Variants in CCDC82 observed in about 807,000 individuals in gnomAD.
The protein encoded by CCDC82 is coiled-coil domain-containing protein 82.
CCDC82 carries 47 observed loss-of-function variants against 60.6 expected under a neutral mutation model. The ratio of observed to expected loss-of-function variants is 0.77; its 90% CI spans 0.61 to 0.99. The LOEUF is 0.99. Ranked by LOEUF, CCDC82 falls within the 50% of genes least tolerant of loss-of-function variation. CCDC82 has a pLI of 0.00. For synonymous variants in CCDC82, 212 were observed against 207.4 expected, an observed-to-expected ratio of 1.02 and a Z score of -0.19; for missense variants, 588 against 633.0, an observed-to-expected ratio of 0.93 and a Z score of 0.76.
chr11:96,388,437 T>A (rs572755503), intron 1 of CCDC82: 6 of 152,208 alleles, frequency 3.9e-5, no homozygotes, highest in Non-Finnish European at 1.5e-5. Flanking sequence ...AATAAGTGAA[T>A]GAAGATGATC....
intron 1 of CCDC82, chr11:96,388,905 A>G (rs1233668462): frequency 6.6e-6 from 1 of 152,192 alleles, no homozygotes; most frequent in African/African-American, 2.4e-5. Context: ...AAATGCAAGC[A>G]CCTGCTAGGA....
chr11:96,373,297 A>G, intron 6 of CCDC82, 78 bp downstream of exon 6: 2 of 861,686 alleles, frequency 2.3e-6, no homozygotes, highest in Non-Finnish European at 3.7e-6. Context: ...TTTAATCTAC[A>G]TAGTTTTAAA....
At chr11:96,362,770 A>G (rs1362337101) in intron 8 of CCDC82, among the ~76,000 whole-genome samples, 1 of 152,156 alleles carries the variant, frequency 6.6e-6, no homozygotes, top group Non-Finnish European at 1.5e-5. Flanking sequence ...CAAAGAAGCT[A>G]AAGAAAGGAG....
At chr11:96,375,253 C>T (rs1195764003) in intron 5 of CCDC82, among the ~76,000 whole-genome samples, 1 of 152,066 alleles carries the variant, frequency 6.6e-6, no homozygotes, top group East Asian at 1.9e-4. Context: ...CTTGAATGTC[C>T]TTATGCCCAG....
At chr11:96,386,033 A>G (rs1486371941) in intron 3 of CCDC82, 1 of 152,152 alleles carries the variant, frequency 6.6e-6, no homozygotes, top group Non-Finnish European at 1.5e-5. Flanking sequence ...AAAAATATGA[A>G]AATAATCACA....
chr11:96,362,556 C>T (rs917235749), intron 8 of CCDC82, among the ~76,000 whole-genome samples: 1 of 152,118 alleles, frequency 6.6e-6, no homozygotes, highest in Non-Finnish European at 1.5e-5. Context: ...AACATATATC[C>T]AAGATTGTTT....
chr11:96,387,186 C>T lies in CCDC82; in HGVS notation c.-55+344G>A, dbSNP rs908895308. On this transcript the variant is annotated intron_variant, in intron 2 of 9. Coordinates refer to ENST00000646818, the MANE Select transcript of CCDC82 (RefSeq NM_024725.4). ...ATGACAAATATGGTTGCAGTAGATA[C>T]ACTAAAGCAAATATGGACAGTAAAG... The T allele has an allele frequency of 1.4e-4, 22 of 152,078 alleles. 1 individual carries two copies. Among genetic ancestry groups the T allele is most frequent in the African/African-American group, 4.3e-4 (18 of 41,400 alleles). 9.4% of individuals were successfully genotyped at this position (152,078 alleles called of 1,614,324 possible). A position where few individuals can be genotyped will look rare whatever the true frequency, so the allele number is the denominator to read the frequency against.
chr11:96,355,695 G>C (rs1426636129), intron 9 of CCDC82: 1 of 152,020 alleles, frequency 6.6e-6, no homozygotes, highest in Non-Finnish European at 1.5e-5. Context: ...CTAGGATGCA[G>C]CTTTGGCAAG....
chr11:96,387,757 T>C (rs1305906160), intron 1 of CCDC82, 144 bp from the exon 2 acceptor site: 1 of 152,208 alleles, frequency 6.6e-6, no homozygotes, highest in Non-Finnish European at 1.5e-5. Context: ...TTTTAAAAAA[T>C]TATGTAACCG....
chr11:96,380,304 G>C (rs979131700), intron 5 of CCDC82, among the ~76,000 whole-genome samples: 2 of 151,696 alleles, frequency 1.3e-5, no homozygotes, highest in African/African-American at 4.8e-5. Flanking sequence ...TGAGGAAAAA[G>C]AGTTTGTAGG....
chr11:96,370,969 C>A, intron 7 of CCDC82, 44 bp downstream of exon 7: 2 of 1,447,898 alleles, frequency 1.4e-6, no homozygotes, highest in South Asian at 1.6e-5. Flanking sequence ...GAGAGGTTTG[C>A]TGCCCCCAAC....
At position 96,371,121 on chromosome 11, in the gene CCDC82, T is replaced by C. The variant is rs1351060382; in HGVS notation, c.1101A>G (p.Lys367=). 1.3e-6 allele frequency: 2 copies of C among 1,593,014 alleles called. No homozygotes were observed. Among genetic ancestry groups the C allele is most frequent in the South Asian group, 2.3e-5 (2 of 85,672 alleles). The change falls in exon 7 of 10, where the codon AAA becomes AAG. Residue 367 remains lysine (K), a synonymous_variant. Coordinates refer to ENST00000646818, the MANE Select transcript of CCDC82 (RefSeq NM_024725.4). ...LGTLYDGTRQ[K]SYAKDMLTSL... is the part of the protein sequence containing the mutation. ...ATGTTAGCATATCTTTTGCATATGA[T>C]TTTTGCCTTGTGCCATCTGTTCAGG...
intron 8 of CCDC82, among the ~76,000 whole-genome samples, chr11:96,362,534 TG>T (rs1864718446): frequency 1.3e-5 from 2 of 152,320 alleles, no homozygotes; most frequent in South Asian, 4.1e-4. Flanking sequence ...GGATAGACTC[TG>T]GGCAAAACTA....
intron 5 of CCDC82, chr11:96,380,698 C>A (rs902054927): frequency 8.6e-5 from 13 of 151,666 alleles, no homozygotes; most frequent in Admixed American, 5.9e-4. Flanking sequence ...ATGGAGGAAA[C>A]CTAAGTGCAT....
chr11:96,373,271 A>T, intron 6 of CCDC82, 104 bp downstream of exon 6: 1 of 660,500 alleles, frequency 1.5e-6, no homozygotes, highest in Non-Finnish European at 2.6e-6. Context: ...CTTACAAATG[A>T]TCCTCATTGG....
In CCDC82 at chr11:96,353,540, T is replaced by C. The variant is rs1473829070; in HGVS notation, c.*106A>G. 6.9e-6 allele frequency: 6 copies of C among 864,352 alleles called. No homozygotes were observed. The highest frequency in any genetic ancestry group is 3.4e-5 in the African/African-American group (2 of 59,132). 53.5% of individuals were successfully genotyped at this position (864,352 alleles called of 1,614,324 possible). On this transcript the variant is annotated 3_prime_UTR_variant, in exon 10 of 10. Transcript: ENST00000646818. ...ATGTTTTAAACAAAATATTTTGCCA[T>C]GAAGATATAGATAAAATGTACAAAC...
chr11:96,353,534 T>C lies in CCDC82; in HGVS notation c.*112A>G. The C allele has an allele frequency of 1.2e-6, 1 of 806,168 alleles. No homozygotes were observed. Among genetic ancestry groups the C allele is most frequent in the South Asian group, 1.5e-5 (1 of 65,858 alleles). 49.9% of individuals were successfully genotyped at this position (806,168 alleles called of 1,614,324 possible). A position where few individuals can be genotyped will look rare whatever the true frequency, so the allele number is the denominator to read the frequency against. ...ATAATCATGTTTTAAACAAAATATT[T>C]TGCCATGAAGATATAGATAAAATGT... On this transcript the variant is annotated 3_prime_UTR_variant, in exon 10 of 10. Transcript: ENST00000646818.
chr11:96,377,412 T>C (rs2136172076), intron 5 of CCDC82, among the ~76,000 whole-genome samples: 1 of 152,162 alleles, frequency 6.6e-6, no homozygotes, highest in African/African-American at 2.4e-5. Flanking sequence ...TCTTTTTCAA[T>C]AGTTATATTT....
chr11:96,353,809 T>C (rs1178396254), intron 9 of CCDC82, 95 bp from the exon 10 acceptor site: 1 of 782,512 alleles, frequency 1.3e-6, no homozygotes, highest in South Asian at 1.7e-5. Context: ...ATAAGTCCAT[T>C]TCATGGTAAT....
Sources: allele counts gnomAD v4.1 joint callset (sites outside exome capture counted in the v4.1 genomes callset), GRCh38; gene constraint gnomAD v4.1.1; transcripts MANE v1.5; gene names NCBI Gene and HGNC (gene_info 2026-07-23, HGNC 2026-07-21).